Variants in IFTAP observed in about 807,000 individuals in gnomAD.
IFTAP encodes the protein intraflagellar transport-associated protein.
A neutral mutation model predicts 19.4 loss-of-function variants in IFTAP; 19 were observed. The ratio of observed to expected loss-of-function variants is 0.98; its 90% CI spans 0.68 to 1.44. IFTAP has a LOEUF of 1.44. IFTAP is among the 40% of genes most tolerant of loss of function. The probability of loss-of-function intolerance (pLI) is 0.00; values close to 1 mark genes in which losing one functional copy is unlikely to be tolerated. For missense variants in IFTAP, 240 were observed against 253.6 expected (o/e 0.95, Z 0.36); for synonymous variants, 85 against 83.5 (o/e 1.02, Z -0.10).
Position 36,617,520 on chromosome 11 carries a change from G to C in IFTAP, c.136+7281G>C, listed in dbSNP as rs960295774. On this transcript the variant is annotated intron_variant, in intron 2 of 5. Transcript: ENST00000334307. ...TTCTCAAGGCTCTGTAGGTGATTCT[G>C]ATGTACCACTAGTTTTGAGAACCAC... is the stretch of plus-strand genomic sequence containing the variant. Among the ~76,000 whole-genome samples the C allele has an allele frequency of 7.9e-5, 12 of 151,870 alleles. 1 individual carries two copies. Among genetic ancestry groups the C allele is most frequent in the Admixed American group, 7.2e-4 (11 of 15,210 alleles).
chr11:36,643,194 T>C (rs1025370102), intron 4 of IFTAP, among the ~76,000 whole-genome samples: 4 of 152,170 alleles, frequency 2.6e-5, no homozygotes, highest in Admixed American at 2.0e-4. Flanking sequence ...ACAAGCATTC[T>C]TATACACCAA....
intron 2 of IFTAP, among the ~76,000 whole-genome samples, chr11:36,629,947 A>G (rs1852667403): frequency 6.6e-6 from 1 of 151,420 alleles, no homozygotes; most frequent in African/African-American, 2.5e-5. Context: ...TGTTCTCTGA[A>G]ATATTGCTGT....
intron 2 of IFTAP, among the ~76,000 whole-genome samples, chr11:36,616,169 A>C (rs1016039202): frequency 1.3e-5 from 2 of 151,984 alleles, no homozygotes; most frequent in Non-Finnish European, 2.9e-5. Flanking sequence ...TCACATGCCT[A>C]GGATCCAGCT....
intron 3 of IFTAP, among the ~76,000 whole-genome samples, chr11:36,635,749 G>A (rs1852922521): frequency 6.6e-6 from 1 of 152,108 alleles, no homozygotes; most frequent in Non-Finnish European, 1.5e-5. Flanking sequence ...ATATATTCTG[G>A]GATAGAATCT....
Position 36,610,098 on chromosome 11 carries a change from A to G in IFTAP, c.-6A>G, listed in dbSNP as rs374843985. On this transcript the variant is annotated 5_prime_UTR_variant, in exon 2 of 6. Transcript: ENST00000334307. Reference sequence around the variant, plus strand: ...TCTTGCAGATACTGTGGCCTCATGAATAGGAATGTCTGCCCATATGTCAGG... The same window carrying G: ...TCTTGCAGATACTGTGGCCTCATGAGTAGGAATGTCTGCCCATATGTCAGG... 9.3e-6 allele frequency: 15 copies of G among 1,612,578 alleles called. No individual in the cohort carries two copies. The African/African-American group carries it at 1.6e-4, about 17-fold the overall frequency.
At chr11:36,642,970 C>G (rs1853296749) in intron 4 of IFTAP, among the ~76,000 whole-genome samples, 2 of 152,184 alleles carry the variant, frequency 1.3e-5, no homozygotes, top group Non-Finnish European at 2.9e-5. Flanking sequence ...CCCTCTTTCA[C>G]CACTCCCATT....
chr11:36,639,157 T>G (rs1260115262), intron 4 of IFTAP, among the ~76,000 whole-genome samples: 1 of 149,392 alleles, frequency 6.7e-6, no homozygotes, highest in Admixed American at 6.6e-5. Context: ...CTGAGGACAT[T>G]AGAATAGGAA....
intron 2 of IFTAP, among the ~76,000 whole-genome samples, chr11:36,628,948 A>G (rs567889349): frequency 6.6e-6 from 1 of 151,250 alleles, no homozygotes; most frequent in Non-Finnish European, 1.5e-5. Flanking sequence ...TGCCCTTTCA[A>G]ATGAGGAACA....
chr11:36,601,758 A>G lies in IFTAP; in HGVS notation c.-24+7166A>G, dbSNP rs191978006. ...AGCCACCACCTTCTGGGCCCAAGTG[A>G]TCCTCCCACCTCAGTCTCTCAAGTA... On this transcript the variant is annotated intron_variant, in intron 1 of 5. Transcript: ENST00000334307. 3.5e-4 allele frequency among the ~76,000 whole-genome samples: 54 copies of G among 152,148 alleles called. No individual in the cohort carries two copies. In the Middle Eastern group the frequency reaches 0.01, roughly 29 times the overall value.
At chr11:36,645,511 C>T (rs188798235) in intron 4 of IFTAP, among the ~76,000 whole-genome samples, 66 of 152,160 alleles carry the variant, frequency 4.3e-4, no homozygotes, top group African/African-American at 1.5e-3. Flanking sequence ...ATTTCTGTTT[C>T]AGAAAGTTAT....
chr11:36,637,400 G>T (rs959984718), intron 4 of IFTAP, among the ~76,000 whole-genome samples: 1 of 152,126 alleles, frequency 6.6e-6, no homozygotes, highest in Non-Finnish European at 1.5e-5. Context: ...CCAGGGAGAG[G>T]TTCTCTAACT....
chr11:36,624,476 C>T (rs1465979651), intron 2 of IFTAP, among the ~76,000 whole-genome samples: 1 of 152,180 alleles, frequency 6.6e-6, no homozygotes, highest in Non-Finnish European at 1.5e-5. Flanking sequence ...ATCATTACAA[C>T]AACTCCTTTA....
intron 1 of IFTAP, among the ~76,000 whole-genome samples, chr11:36,596,026 A>C (rs73455539): frequency 0.16 from 23,684 of 152,200 alleles, 2,672 homozygotes; most frequent in African/African-American, 0.32. Context: ...ATCTTGGTAT[A>C]TATTCACTGG....
chr11:36,655,548 AAAG>A (rs1256709923), intron 5 of IFTAP, among the ~76,000 whole-genome samples: 1 of 152,222 alleles, frequency 6.6e-6, no homozygotes, highest in African/African-American at 2.4e-5. Flanking sequence ...GAGTTTGTGG[AAAG>A]AATGTAAAAT....
At chr11:36,614,161 A>G (rs1332659799) in intron 2 of IFTAP, among the ~76,000 whole-genome samples, 4 of 146,164 alleles carry the variant, frequency 2.7e-5, no homozygotes, top group Admixed American at 2.1e-4. Flanking sequence ...GATTGAGAAT[A>G]TGCGGTGTTT....
intron 1 of IFTAP, among the ~76,000 whole-genome samples, chr11:36,601,320 G>C (rs1200332574): frequency 6.6e-6 from 1 of 151,452 alleles, no homozygotes; most frequent in Non-Finnish European, 1.5e-5. Context: ...AACTGACAAA[G>C]AAAAGAGGAA....
chr11:36,619,643 T>C (rs929575247), intron 2 of IFTAP, among the ~76,000 whole-genome samples: 18 of 152,066 alleles, frequency 1.2e-4, no homozygotes, highest in African/African-American at 4.3e-4. Flanking sequence ...TAACATTGTT[T>C]TGATACCCTT....
intron 4 of IFTAP, among the ~76,000 whole-genome samples, chr11:36,638,161 G>A (rs1389231668): frequency 2.0e-5 from 3 of 149,614 alleles, no homozygotes; most frequent in African/African-American, 5.0e-5. Context: ...CCGCCCGCCC[G>A]AGTGCTAGGA....
chr11:36,606,579 C>T (rs923907089), intron 1 of IFTAP, among the ~76,000 whole-genome samples: 1 of 152,164 alleles, frequency 6.6e-6, no homozygotes, highest in Non-Finnish European at 1.5e-5. Context: ...TTCAGTACTA[C>T]TGAGATGTGT....
Sources: allele counts gnomAD v4.1 joint callset (sites outside exome capture counted in the v4.1 genomes callset), GRCh38; gene constraint gnomAD v4.1.1; transcripts MANE v1.5; gene names NCBI Gene and HGNC (gene_info 2026-07-23, HGNC 2026-07-21).